The following MAGI1 variants were observed in gnomAD, a reference collection of about 807,000 sequenced individuals.
MAGI1 encodes membrane associated guanylate kinase, WW and PDZ domain containing 1, also known as membrane-associated guanylate kinase, WW and PDZ domain-containing protein 1.
A neutral mutation model predicts 139.9 loss-of-function variants in MAGI1; 58 were observed. That is an observed-to-expected ratio of 0.41 (90% CI 0.34 to 0.52). The LOEUF (loss-of-function observed/expected upper bound fraction) is 0.52. Ranked by LOEUF, MAGI1 falls within the 20% of genes least tolerant of loss-of-function variation. MAGI1 has a pLI of 0.12. For synonymous variants in MAGI1, 812 were observed against 737.9 expected (o/e 1.10, Z -1.63); for missense variants, 1,874 against 1,901.6 (o/e 0.99, Z 0.27).
At chr3:65,991,750 C>T (rs1418274984) in intron 1 of MAGI1, among the ~76,000 whole-genome samples, 1 of 152,134 alleles carries the variant, frequency 6.6e-6, no homozygotes, top group South Asian at 2.1e-4. Context: ...CACGGTGGCT[C>T]GTGATTGTAA....
chr3:65,741,741 G>A (rs997712890), intron 1 of MAGI1, among the ~76,000 whole-genome samples: 6 of 152,130 alleles, frequency 3.9e-5, no homozygotes, highest in Non-Finnish European at 8.8e-5. Flanking sequence ...ATCACAACAT[G>A]TCATAGACAT....
chr3:65,629,668 C>T (rs1438047188), intron 1 of MAGI1, among the ~76,000 whole-genome samples: 2 of 152,086 alleles, frequency 1.3e-5, no homozygotes, highest in African/African-American at 4.8e-5. Context: ...TTTATAGTCA[C>T]TCAAACTTAC....
intron 12 of MAGI1, chr3:65,401,760 T>C: frequency 7.1e-7 from 1 of 1,413,606 alleles, no homozygotes; most frequent in Non-Finnish European, 9.2e-7. Flanking sequence ...CCTGGGAAAT[T>C]GAACACTTGG....
intron 1 of MAGI1, among the ~76,000 whole-genome samples, chr3:65,782,092 T>C (rs138969951): frequency 6.6e-6 from 1 of 152,302 alleles, no homozygotes; most frequent in Non-Finnish European, 1.5e-5. Flanking sequence ...TCACAGATTG[T>C]AGAAATTATC....
intron 5 of MAGI1, among the ~76,000 whole-genome samples, chr3:65,455,163 G>T (rs967230256): frequency 1.4e-4 from 21 of 152,092 alleles, no homozygotes; most frequent in Non-Finnish European, 2.5e-4. Context: ...TTAAAAGAAA[G>T]AAGAGAGATC....
chr3:65,424,911 A>G (rs1160221569), intron 12 of MAGI1, among the ~76,000 whole-genome samples: 2 of 151,930 alleles, frequency 1.3e-5, no homozygotes, highest in African/African-American at 4.8e-5. Flanking sequence ...TCTACAAAAC[A>G]ATTTTTTAAA....
intron 2 of MAGI1, 64 bp downstream of exon 2, chr3:65,621,908 C>T: frequency 8.3e-7 from 1 of 1,207,004 alleles, no homozygotes; most frequent in Non-Finnish European, 1.2e-6. Context: ...CCTTTCTCCC[C>T]TGGACTTTTC....
At chr3:65,665,544 C>T (rs1446610319) in intron 1 of MAGI1, among the ~76,000 whole-genome samples, 1 of 152,150 alleles carries the variant, frequency 6.6e-6, no homozygotes, top group Non-Finnish European at 1.5e-5. Context: ...TGTCATTAAA[C>T]AGAAATACAA....
At chr3:65,972,572 T>C (rs79299479) in intron 1 of MAGI1, among the ~76,000 whole-genome samples, 7,787 of 152,282 alleles carry the variant, frequency 0.051, 536 homozygotes, top group African/African-American at 0.15. Flanking sequence ...TTCCTTTTAT[T>C]TGCAGTTTCT....
intron 1 of MAGI1, among the ~76,000 whole-genome samples, chr3:65,863,449 A>C (rs1046322687): frequency 6.6e-6 from 1 of 152,222 alleles, no homozygotes; most frequent in Non-Finnish European, 1.5e-5. Context: ...ATTTAAAATC[A>C]TAAAGAAATA....
intron 1 of MAGI1, among the ~76,000 whole-genome samples, chr3:65,890,288 C>CTG: frequency 3.3e-5 from 5 of 152,166 alleles, no homozygotes; most frequent in Non-Finnish European, 5.9e-5. Context: ...TGGCGTCAAC[C>CTG]CAGGAGGCGG....
intron 2 of MAGI1, among the ~76,000 whole-genome samples, chr3:65,527,665 C>A (rs1365269949): frequency 2.6e-5 from 4 of 152,120 alleles, no homozygotes; most frequent in African/African-American, 9.7e-5. Context: ...GCAGAGCTTG[C>A]AGTGAGCCGA....
At chr3:65,820,338 T>C (rs2041877716) in intron 1 of MAGI1, among the ~76,000 whole-genome samples, 1 of 152,172 alleles carries the variant, frequency 6.6e-6, no homozygotes, top group African/African-American at 2.4e-5. Context: ...TCCTCTGAGA[T>C]TTATCCAGGA....
At chr3:65,548,729 G>A (rs886495556) in intron 2 of MAGI1, among the ~76,000 whole-genome samples, 2 of 151,980 alleles carry the variant, frequency 1.3e-5, no homozygotes, top group Middle Eastern at 3.4e-3. Context: ...CATCATGTTG[G>A]CCAGGCTAGT....
chr3:65,952,378 CGATACTTTTGCTCTGCAAAGGGAACAG>C (rs2063906878), intron 1 of MAGI1, among the ~76,000 whole-genome samples: 2 of 152,002 alleles, frequency 1.3e-5, no homozygotes, highest in South Asian at 4.1e-4. Flanking sequence ...TGTTTTTTTC[CGATACTTTTGCTCTGCAAAGGGAACAG>C]GAAGAACAGC....
At chr3:65,446,361 G>A (rs1369602837) in intron 7 of MAGI1, among the ~76,000 whole-genome samples, 1 of 152,194 alleles carries the variant, frequency 6.6e-6, no homozygotes, top group Admixed American at 6.5e-5. Context: ...AGTTTGCATA[G>A]CCAGTAAGCA....
At chr3:65,748,236 C>A (rs1160223091) in intron 1 of MAGI1, among the ~76,000 whole-genome samples, 1 of 152,104 alleles carries the variant, frequency 6.6e-6, no homozygotes, top group African/African-American at 2.4e-5. Context: ...ATTTTAATAT[C>A]TATTAGGTAA....
chr3:65,815,510 C>T lies in MAGI1; in HGVS notation c.314-193422G>A, dbSNP rs186665896. 1.1e-4 allele frequency among the ~76,000 whole-genome samples: 16 copies of T among 152,102 alleles called. No individual in the cohort carries two copies. In the East Asian group the frequency reaches 3.1e-3, roughly 29 times the overall value. On this transcript the variant is annotated intron_variant, in intron 1 of 22. Coordinates refer to ENST00000402939, the MANE Select transcript of MAGI1 (RefSeq NM_001033057.2). ...GAGTGCCTAAATTCCCACCTTAATT[C>T]GTCATTGGATATATTAAAGAAAATA...
intron 2 of MAGI1, among the ~76,000 whole-genome samples, chr3:65,593,889 G>GT (rs1279250485): frequency 3.9e-5 from 6 of 152,076 alleles, no homozygotes; most frequent in African/African-American, 9.7e-5. Context: ...AAAGAAATAT[G>GT]TTTTTTTCTT....
Sources: gnomAD v4.1 joint callset for allele counts (sites outside exome capture counted in the v4.1 genomes callset) on GRCh38, gnomAD v4.1.1 for gene constraint, MANE v1.5 for transcripts, NCBI Gene and HGNC (gene_info 2026-07-23, HGNC 2026-07-21) for gene names.